The following HTR1F variants were observed in gnomAD, a reference collection of about 807,000 sequenced individuals.
HTR1F encodes 5-hydroxytryptamine receptor 1F.
A neutral mutation model predicts 24.0 loss-of-function variants in HTR1F; 17 were observed. That is an observed-to-expected ratio of 0.71 (90% CI 0.48 to 1.06). The LOEUF is 1.06. Among genes scored for constraint, HTR1F ranks in the 50% least tolerant of loss-of-function variants. The pLI is 0.00. For synonymous variants in HTR1F, 186 were observed against 156.8 expected (o/e 1.19, Z -1.39); for missense variants, 391 against 427.8 (o/e 0.91, Z 0.76).
At chr3:87,972,670 T>C (rs1033965210) in intron 2 of HTR1F, among the ~76,000 whole-genome samples, 1 of 152,168 alleles carries the variant, frequency 6.6e-6, no homozygotes, top group Non-Finnish European at 1.5e-5. Flanking sequence ...TTCCCAATCA[T>C]GTAAATGACA....
intron 2 of HTR1F, among the ~76,000 whole-genome samples, chr3:87,946,624 TA>T (rs1160020334): frequency 1.2e-3 from 107 of 88,190 alleles, no homozygotes; most frequent in African/African-American, 4.2e-3. Flanking sequence ...TATATATATA[TA>T]TATTTTTTTT....
chr3:87,947,359 A>G (rs1209129549), intron 2 of HTR1F, among the ~76,000 whole-genome samples: 1 of 147,972 alleles, frequency 6.8e-6, no homozygotes, highest in African/African-American at 2.5e-5. Context: ...GAATACTAGA[A>G]TAGTTCTCTC....
At chr3:87,918,403 G>A (rs764895557) in intron 2 of HTR1F, among the ~76,000 whole-genome samples, 6 of 151,920 alleles carry the variant, frequency 3.9e-5, no homozygotes, top group Non-Finnish European at 8.8e-5. Context: ...TAAAGAAAGG[G>A]CATCCAAATT....
At chr3:87,824,267 G>A (rs1161788990) in intron 2 of HTR1F, among the ~76,000 whole-genome samples, 1 of 152,108 alleles carries the variant, frequency 6.6e-6, no homozygotes, top group Non-Finnish European at 1.5e-5. Context: ...ACCCTTGGTT[G>A]CTTAGACCAA....
At chr3:87,878,911 G>A (rs1221572994) in intron 2 of HTR1F, among the ~76,000 whole-genome samples, 12 of 152,060 alleles carry the variant, frequency 7.9e-5, no homozygotes, top group Non-Finnish European at 8.8e-5. Flanking sequence ...AACACAGTAG[G>A]AAGTCTGTTA....
intron 2 of HTR1F, among the ~76,000 whole-genome samples, chr3:87,904,044 A>T (rs1227124343): frequency 6.6e-6 from 1 of 152,190 alleles, no homozygotes; most frequent in East Asian, 1.9e-4. Context: ...TATCCAGTTA[A>T]ACACAAAATG....
At chr3:87,948,070 A>G (rs1254542880) in intron 2 of HTR1F, among the ~76,000 whole-genome samples, 1 of 152,226 alleles carries the variant, frequency 6.6e-6, no homozygotes, top group Non-Finnish European at 1.5e-5. Flanking sequence ...AAAAAAATAC[A>G]TTCTGAAAAA....
At chr3:87,891,595 C>T (rs1378773204) in intron 2 of HTR1F, among the ~76,000 whole-genome samples, 4 of 152,166 alleles carry the variant, frequency 2.6e-5, no homozygotes, top group African/African-American at 9.7e-5. Flanking sequence ...GATTCAGTAT[C>T]CCCTAACTCA....
At chr3:87,868,377 T>C (rs1705472667) in intron 2 of HTR1F, among the ~76,000 whole-genome samples, 1 of 152,036 alleles carries the variant, frequency 6.6e-6, no homozygotes, top group African/African-American at 2.4e-5. Context: ...ACTTTTTATA[T>C]GGTAGCTACT....
chr3:87,941,252 A>G (rs1576066119), intron 2 of HTR1F, among the ~76,000 whole-genome samples: 1 of 152,086 alleles, frequency 6.6e-6, no homozygotes, highest in African/African-American at 2.4e-5. Flanking sequence ...TGGTTATTTT[A>G]CCATACCTGG....
At chr3:87,833,656 T>A (rs1023583239) in intron 2 of HTR1F, among the ~76,000 whole-genome samples, 42 of 152,112 alleles carry the variant, frequency 2.8e-4, no homozygotes, top group African/African-American at 8.7e-4. Flanking sequence ...CTAATTTTTT[T>A]AAAATTTTAT....
intron 2 of HTR1F, among the ~76,000 whole-genome samples, chr3:87,935,957 C>A (rs548850285): frequency 1.3e-5 from 2 of 151,920 alleles, no homozygotes; most frequent in African/African-American, 2.4e-5. Context: ...TTCAAGCGAT[C>A]CTCCTGCCTC....
chr3:87,863,676 T>G (rs1193799051), intron 2 of HTR1F, among the ~76,000 whole-genome samples: 1 of 152,200 alleles, frequency 6.6e-6, no homozygotes, highest in African/African-American at 2.4e-5. Flanking sequence ...TAATGCTCCT[T>G]AAAATTCTTC....
chr3:87,818,007 T>TA (rs1040021919), intron 1 of HTR1F, among the ~76,000 whole-genome samples: 3 of 152,190 alleles, frequency 2.0e-5, no homozygotes, highest in Non-Finnish European at 4.4e-5. Context: ...TAAGATTTAA[T>TA]AAAAATAAAG....
chr3:87,983,130 C>CA (rs1402880667), intron 2 of HTR1F, among the ~76,000 whole-genome samples: 3 of 152,156 alleles, frequency 2.0e-5, no homozygotes, highest in Non-Finnish European at 2.9e-5. Flanking sequence ...AACACAAGCA[C>CA]ACCCCTAAGT....
chr3:87,986,890 AG>A (rs1421390890), intron 2 of HTR1F, among the ~76,000 whole-genome samples: 1 of 152,204 alleles, frequency 6.6e-6, no homozygotes, highest in Non-Finnish European at 1.5e-5. Context: ...AGATCACCAG[AG>A]GCCAGGAGTT....
chr3:87,828,323 T>A (rs1704506996), intron 2 of HTR1F, among the ~76,000 whole-genome samples: 3 of 152,184 alleles, frequency 2.0e-5, no homozygotes, highest in Non-Finnish European at 2.9e-5. Context: ...ACTAAAAAAA[T>A]TAGGCTTATG....
At chr3:87,945,817 C>T (rs1219571883) in intron 2 of HTR1F, among the ~76,000 whole-genome samples, 2 of 152,160 alleles carry the variant, frequency 1.3e-5, no homozygotes, top group Non-Finnish European at 2.9e-5. Context: ...TCAAATATTA[C>T]TCACGGCTTT....
chr3:87,794,083 T>A (rs1703862955), intron 1 of HTR1F, among the ~76,000 whole-genome samples: 1 of 152,118 alleles, frequency 6.6e-6, no homozygotes, highest in South Asian at 2.1e-4. Context: ...TGATCAACAG[T>A]CTAATGATGC....
Sources: gnomAD v4.1 joint callset for allele counts (sites outside exome capture counted in the v4.1 genomes callset) on GRCh38, gnomAD v4.1.1 for gene constraint, MANE v1.5 for transcripts, NCBI Gene and HGNC (gene_info 2026-07-23, HGNC 2026-07-21) for gene names.